Variants in ZBTB20 observed in about 807,000 individuals in gnomAD.
The protein encoded by ZBTB20 is zinc finger and BTB domain containing 20.
ZBTB20 carries 9 observed loss-of-function variants against 56.9 expected under a neutral mutation model. The observed-to-expected ratio is 0.16, with a 90% CI of 0.10 to 0.28. The LOEUF is 0.28. Ranked by LOEUF, ZBTB20 falls within the 10% of genes least tolerant of loss-of-function variation. The probability of loss-of-function intolerance (pLI) is 1.00; values close to 1 mark genes in which losing one functional copy is unlikely to be tolerated. For synonymous variants in ZBTB20, 417 were observed against 420.7 expected, an observed-to-expected ratio of 0.99 and a Z score of 0.11; for missense variants, 655 against 1,003.0, an observed-to-expected ratio of 0.65 and a Z score of 4.69.
intron 6 of ZBTB20, among the ~76,000 whole-genome samples, chr3:114,596,458 A>G (rs1042068433): frequency 6.6e-6 from 1 of 152,184 alleles, no homozygotes; most frequent in Admixed American, 6.5e-5. Context: ...TGTAGAAGGC[A>G]AATGCAAGAT....
intron 6 of ZBTB20, among the ~76,000 whole-genome samples, chr3:114,662,692 A>AT (rs1383813070): frequency 6.8e-6 from 1 of 146,420 alleles, no homozygotes. Context: ...TTTTGGCTGC[A>AT]TAAATGTCTT....
chr3:114,968,271 G>A (rs981181851), intron 3 of ZBTB20, among the ~76,000 whole-genome samples: 1 of 151,978 alleles, frequency 6.6e-6, no homozygotes, highest in Non-Finnish European at 1.5e-5. Flanking sequence ...GTAATTAATG[G>A]CTGTTATGTC....
chr3:114,591,441 C>T (rs1374432898), intron 6 of ZBTB20, among the ~76,000 whole-genome samples: 1 of 152,070 alleles, frequency 6.6e-6, no homozygotes, highest in Non-Finnish European at 1.5e-5. Context: ...TTTACCAAAC[C>T]ATCACGGATA....
intron 4 of ZBTB20, among the ~76,000 whole-genome samples, chr3:114,879,819 A>G (rs895206617): frequency 1.3e-5 from 2 of 152,112 alleles, no homozygotes; most frequent in Non-Finnish European, 2.9e-5. Flanking sequence ...CTCAGCCAAC[A>G]TCACCTGTGC....
chr3:114,346,488 C>A (rs1162131121), intron 11 of ZBTB20, among the ~76,000 whole-genome samples: 1 of 152,128 alleles, frequency 6.6e-6, no homozygotes, highest in Non-Finnish European at 1.5e-5. Context: ...GAAGGACACA[C>A]AGGCATTTAG....
At chr3:114,681,126 C>T (rs938023549) in intron 6 of ZBTB20, among the ~76,000 whole-genome samples, 5 of 151,616 alleles carry the variant, frequency 3.3e-5, no homozygotes, top group Admixed American at 2.6e-4. Context: ...TAGTATTTAC[C>T]CATTTTAATT....
At chr3:114,353,407 G>T (rs991545044) in intron 10 of ZBTB20, among the ~76,000 whole-genome samples, 1 of 152,228 alleles carries the variant, frequency 6.6e-6, no homozygotes, top group African/African-American at 2.4e-5. Context: ...CACATGGTAT[G>T]AGCTTAACTT....
intron 1 of ZBTB20, among the ~76,000 whole-genome samples, chr3:115,108,094 G>A (rs1459184696): frequency 4.0e-5 from 6 of 151,422 alleles, no homozygotes; most frequent in Non-Finnish European, 8.8e-5. Flanking sequence ...GATGGCACAC[G>A]TATACCTATG....
chr3:114,523,420 T>C (rs2046861270), intron 6 of ZBTB20, among the ~76,000 whole-genome samples: 1 of 152,158 alleles, frequency 6.6e-6, no homozygotes, highest in African/African-American at 2.4e-5. Context: ...ATCAAAGAAA[T>C]GGGACAGGAG....
intron 2 of ZBTB20, among the ~76,000 whole-genome samples, chr3:115,018,127 A>G (rs561367648): frequency 7.3e-5 from 11 of 151,522 alleles, no homozygotes; most frequent in Admixed American, 3.3e-4. Context: ...CCAAGTTTAT[A>G]TGTGCTAATA....
At chr3:114,764,251 CTT>C (rs56175916) in intron 5 of ZBTB20, among the ~76,000 whole-genome samples, 92,619 of 120,518 alleles carry the variant, frequency 0.77, 34,464 homozygotes, top group East Asian at 0.92. Context: ...CTCTCTCTCT[CTT>C]TTTTTTTTTT....
chr3:114,397,969 T>C (rs1424488377), intron 7 of ZBTB20, among the ~76,000 whole-genome samples: 2 of 152,290 alleles, frequency 1.3e-5, no homozygotes, highest in African/African-American at 4.8e-5. Flanking sequence ...TTTCCATTAA[T>C]ACTCCACATG....
At position 115,038,919 on chromosome 3, in the gene ZBTB20, T is replaced by C. The variant is rs566173795; in HGVS notation, c.-507+32300A>G. Reference sequence around the variant, plus strand: ...TCAAAGTTATGCAATTTTTTACCTTTTTATTATTATTTTTTGCATTCTCTC... The same window carrying C: ...TCAAAGTTATGCAATTTTTTACCTTCTTATTATTATTTTTTGCATTCTCTC... On this transcript the variant is annotated intron_variant, in intron 2 of 11. Transcript: ENST00000675478. Among the ~76,000 whole-genome samples the C allele has an allele frequency of 7.2e-5, 11 of 152,106 alleles. 1 individual carries two copies. Among genetic ancestry groups the C allele is most frequent in the African/African-American group, 2.7e-4 (11 of 41,452 alleles).
At chr3:115,082,567 G>C (rs970654344) in intron 1 of ZBTB20, among the ~76,000 whole-genome samples, 1 of 152,118 alleles carries the variant, frequency 6.6e-6, no homozygotes, top group Non-Finnish European at 1.5e-5. Context: ...AAACGGACGG[G>C]AAAGAAAGCA....
At chr3:114,559,039 G>T (rs1409212090) in intron 6 of ZBTB20, among the ~76,000 whole-genome samples, 1 of 152,044 alleles carries the variant, frequency 6.6e-6, no homozygotes, top group Non-Finnish European at 1.5e-5. Flanking sequence ...ATTCTTCATT[G>T]TGTGTTAGTG....
intron 10 of ZBTB20, among the ~76,000 whole-genome samples, chr3:114,378,245 A>G (rs1391605925): frequency 6.6e-6 from 1 of 152,262 alleles, no homozygotes; most frequent in African/African-American, 2.4e-5. Flanking sequence ...TTCTAAGTGT[A>G]GGCTCAAATC....
chr3:114,667,207 A>C (rs2061108172), intron 6 of ZBTB20, among the ~76,000 whole-genome samples: 1 of 152,032 alleles, frequency 6.6e-6, no homozygotes, highest in Non-Finnish European at 1.5e-5. Context: ...CAATAATGGA[A>C]CACTAGGCAT....
intron 4 of ZBTB20, among the ~76,000 whole-genome samples, chr3:114,885,318 C>G (rs1442835471): frequency 1.3e-5 from 2 of 152,178 alleles, no homozygotes; most frequent in Non-Finnish European, 2.9e-5. Flanking sequence ...GGCTCCTTCA[C>G]GTCATTCAAG....
At chr3:115,005,846 T>C (rs1285194739) in intron 2 of ZBTB20, among the ~76,000 whole-genome samples, 1 of 151,840 alleles carries the variant, frequency 6.6e-6, no homozygotes, top group Admixed American at 6.6e-5. Flanking sequence ...ATTATGGGAC[T>C]GTGTCATACT....
Sources: gnomAD v4.1 joint callset for allele counts (sites outside exome capture counted in the v4.1 genomes callset) on GRCh38, gnomAD v4.1.1 for gene constraint, MANE v1.5 for transcripts, NCBI Gene and HGNC (gene_info 2026-07-23, HGNC 2026-07-21) for gene names.